Variants in TCP11 observed in about 807,000 individuals in gnomAD.
TCP11 encodes the protein t-complex 11.
A neutral mutation model predicts 45.0 loss-of-function variants in TCP11; 34 were observed. That is an observed-to-expected ratio of 0.76 (90% CI 0.57 to 1.01). The LOEUF (loss-of-function observed/expected upper bound fraction) is 1.01. Ranked by LOEUF, TCP11 falls within the 50% of genes least tolerant of loss-of-function variation. The pLI is 0.00. For missense variants in TCP11, 523 were observed against 598.1 expected (o/e 0.87, Z 1.31); for synonymous variants, 227 against 227.0 (o/e 1.00, Z 0.00).
intron 2 of TCP11, among the ~76,000 whole-genome samples, chr6:35,139,060 T>A (rs1019394103): frequency 6.6e-6 from 1 of 152,110 alleles, no homozygotes; most frequent in East Asian, 1.9e-4. Context: ...TGGTGGCACA[T>A]GCTTATAATC....
rs909615555 is a variant in TCP11 at position 35,140,749 on chromosome 6, G to A, written c.122C>T (p.Pro41Leu). Residue 41 changes from proline (P) to leucine (L), a missense_variant and splice_region_variant, in exon 2 of 10, where the codon CCC becomes CTC. This residue lies in a region of TCP11 where 225 missense variants were observed against 210.2 expected (regional missense o/e 1.07). Coordinates refer to ENST00000311875, the MANE Select transcript of TCP11 (RefSeq NM_001370687.1). ...EDKSGSEDPP[P>L]FLSVTGLTET... ...AGGGACTGCCGAGCTGGACCTACAG[G>A]GAGGGGGGTCCTCGGAGCCGCTCTT... 1 of 1,527,356 alleles carries A rather than the reference G, an allele frequency of 6.5e-7. No individual in the cohort carries two copies. Among genetic ancestry groups the A allele is most frequent in the Non-Finnish European group, 8.8e-7 (1 of 1,141,888 alleles). The allele number at this position is 1,527,356 out of a possible 1,614,324, so 94.6% of individuals were successfully genotyped here.
chr6:35,135,103 C>T lies in TCP11; in HGVS notation c.236+1004G>A, dbSNP rs544952883. Among the ~76,000 whole-genome samples, 466 of 150,286 alleles carry T rather than the reference C, an allele frequency of 3.1e-3. 1 individual carries two copies. Among genetic ancestry groups the T allele is most frequent in the African/African-American group, 8.0e-3 (325 of 40,798 alleles). On this transcript the variant is annotated intron_variant, in intron 3 of 9. Coordinates refer to ENST00000311875, the MANE Select transcript of TCP11 (RefSeq NM_001370687.1). The stretch of plus-strand genomic sequence containing the variant: ...CAGAGGTTGCAGTGAGCCGAGATCG[C>T]GCCATTGCACTCCAGCCTGGGCAAC...
rs1778817788 is a variant in TCP11, at chr6:35,118,079, A to C, written c.*190T>G. On this transcript the variant is annotated 3_prime_UTR_variant, in exon 10 of 10. Coordinates refer to ENST00000311875, the MANE Select transcript of TCP11 (RefSeq NM_001370687.1). ...ACAGGAAAAATGGAGGATTTCTTGCACTTAAGAAGTTTATTAATGAATGGG... is the reference window on the plus strand; with the variant it reads ...ACAGGAAAAATGGAGGATTTCTTGCCCTTAAGAAGTTTATTAATGAATGGG... The C allele has an allele frequency of 3.4e-6, 2 of 596,062 alleles. No homozygotes were observed. Among genetic ancestry groups the C allele is most frequent in the Non-Finnish European group, 6.0e-6 (2 of 335,100 alleles). 36.9% of individuals were successfully genotyped at this position (596,062 alleles called of 1,614,324 possible). A position where few individuals can be genotyped will look rare whatever the true frequency, so the allele number is the denominator to read the frequency against.
In TCP11 at chr6:35,120,759, C is replaced by A; in HGVS notation, c.716-113G>T. On this transcript the variant is annotated intron_variant, in intron 6 of 9. Coordinates refer to ENST00000311875, the MANE Select transcript of TCP11 (RefSeq NM_001370687.1). This position sits in a 1 kb window ranked among gnomAD's most constrained non-coding sequence, Gnocchi z 4.9. The stretch of plus-strand genomic sequence containing the variant: ...GTCAATAAATAAATGCTTTGAGGGT[C>A]TTTCTGTCTTAGATAAATGTTCCTT... 1.4e-6 allele frequency: 2 copies of A among 1,403,064 alleles called. No homozygotes were observed. Among genetic ancestry groups the A allele is most frequent in the Non-Finnish European group, 1.9e-6 (2 of 1,028,760 alleles). The allele number at this position is 1,403,064 out of a possible 1,614,324, so 86.9% of individuals were successfully genotyped here.
chr6:35,128,613 C>A (rs1260941428), intron 4 of TCP11: 2 of 153,510 alleles, frequency 1.3e-5, no homozygotes, highest in African/African-American at 4.8e-5. Flanking sequence ...AGCTTTTATT[C>A]CCGGTTCTGG....
rs779990185 is a variant in TCP11, at chr6:35,136,070, A to C, written c.236+37T>G. The stretch of plus-strand genomic sequence containing the variant: ...GCCATCAGTGCTAAGTACCTAAGCC[A>C]GGATGAGCAACATGAAGAAAGAAGA... On this transcript the variant is annotated intron_variant, in intron 3 of 9. Coordinates refer to ENST00000311875, the MANE Select transcript of TCP11 (RefSeq NM_001370687.1). 2.1e-5 allele frequency: 32 copies of C among 1,553,490 alleles called. No homozygotes were observed. In the South Asian group the frequency reaches 2.5e-4, roughly 12 times the overall value.
At position 35,120,415 on chromosome 6, in the gene TCP11, CCA is replaced by C. The variant is rs1359210488; in HGVS notation, c.933+12_933+13del. ...CTGAACACAAAACAAGGCAATGCCCCCAGACATTCCTACCTCAGGGAACTCTT... is the reference window on the plus strand; with the variant it reads ...CTGAACACAAAACAAGGCAATGCCCCGACATTCCTACCTCAGGGAACTCTT... On this transcript the variant is annotated intron_variant, in intron 7 of 9. Transcript: ENST00000311875. This position sits in a 1 kb window ranked among gnomAD's most constrained non-coding sequence, Gnocchi z 4.9. 1.3e-6 allele frequency: 2 copies of C among 1,588,734 alleles called. No individual in the cohort carries two copies. The highest frequency in any genetic ancestry group is 1.7e-6 in the Non-Finnish European group (2 of 1,166,958).
intron 5 of TCP11, among the ~76,000 whole-genome samples, chr6:35,121,486 T>C (rs1247844088): frequency 6.6e-6 from 1 of 151,174 alleles, no homozygotes; most frequent in Admixed American, 6.6e-5. Flanking sequence ...TGTCTCCTCA[T>C]AGTGTGTGAA....
chr6:35,126,010 T>C (rs1389788198), intron 4 of TCP11, among the ~76,000 whole-genome samples: 3 of 152,202 alleles, frequency 2.0e-5, no homozygotes, highest in Non-Finnish European at 2.9e-5. Flanking sequence ...AGGGAAATTA[T>C]TGTTTAATGA....
chr6:35,133,168 A>G (rs1003220708), intron 3 of TCP11, among the ~76,000 whole-genome samples: 1 of 152,042 alleles, frequency 6.6e-6, no homozygotes, highest in Non-Finnish European at 1.5e-5. Context: ...CTCATCTGTG[A>G]TACAATATTT....
intron 3 of TCP11, among the ~76,000 whole-genome samples, chr6:35,135,293 G>T (rs559758089): frequency 1.3e-5 from 2 of 152,194 alleles, no homozygotes; most frequent in African/African-American, 2.4e-5. Context: ...GCCATGTTTA[G>T]TATACATATA....
chr6:35,138,494 CAT>C (rs1435313241), intron 2 of TCP11, among the ~76,000 whole-genome samples: 5 of 150,162 alleles, frequency 3.3e-5, no homozygotes, highest in African/African-American at 1.2e-4. Context: ...AAAAACTTCA[CAT>C]GTTCTCACTT....
chr6:35,135,700 C>G (rs1037470162), intron 3 of TCP11, among the ~76,000 whole-genome samples: 5 of 151,474 alleles, frequency 3.3e-5, no homozygotes, highest in Non-Finnish European at 7.4e-5. Context: ...CTACTGCATA[C>G]CTGCCTAGGT....
Position 35,120,230 on chromosome 6 carries a change from C to T in TCP11, c.1044G>A (p.Leu348=), listed in dbSNP as rs1779074428. 1 of 1,614,210 alleles carries T rather than the reference C, an allele frequency of 6.2e-7. No individual in the cohort carries two copies. Among genetic ancestry groups the T allele is most frequent in the Non-Finnish European group, 8.5e-7 (1 of 1,180,036 alleles). ...TATCTACAAATTGGGGTGAGCCAAA[C>T]AAAACACTGCCGGAGAAACTACTGG... The part of the protein sequence containing the change: ...LVASSFSGSV[L]FGSPQFVDKL... The change falls in exon 8 of 10, where the codon TTG becomes TTA. Residue 348 remains leucine, a synonymous_variant. Coordinates refer to ENST00000311875, the MANE Select transcript of TCP11 (RefSeq NM_001370687.1). This position sits in a 1 kb window ranked among gnomAD's most constrained non-coding sequence, Gnocchi z 4.9.
chr6:35,126,650 CTTTTTTTTTTTT>C (rs56010838), intron 4 of TCP11, among the ~76,000 whole-genome samples: 8 of 66,900 alleles, frequency 1.2e-4, no homozygotes, highest in Admixed American at 6.3e-4. Context: ...GAATCAAAGA[CTTTTTTTTTTTT>C]TTTTTTTTTT....
rs758862942 is a variant in TCP11 at position 35,120,939 on chromosome 6, T to C, written c.685A>G (p.Lys229Glu). 6.2e-6 allele frequency: 10 copies of C among 1,613,878 alleles called. No individual in the cohort carries two copies. The South Asian group carries it at 1.1e-4, about 18-fold the overall frequency. ...QEHSIQYERAKFQELLNKQPS... is the reference protein window; with the variant it reads ...QEHSIQYERAEFQELLNKQPS... ...TGCTTATTGAGGAGTTCCTGGAATT[T>C]AGCCCGTTCATACTGAATGGAATGT... is the stretch of plus-strand genomic sequence containing the variant. The change falls in exon 6 of 10, where the codon AAA becomes GAA. Residue 229 changes from lysine to glutamate, a missense_variant. Physicochemically the swap from Lys to Glu is moderately conservative, Grantham distance 56. Coordinates refer to ENST00000311875, the MANE Select transcript of TCP11 (RefSeq NM_001370687.1). This position sits in a 1 kb window ranked among gnomAD's most constrained non-coding sequence, Gnocchi z 4.9.
At chr6:35,135,896 T>C (rs1323530194) in intron 3 of TCP11, among the ~76,000 whole-genome samples, 2 of 152,218 alleles carry the variant, frequency 1.3e-5, no homozygotes, top group African/African-American at 2.4e-5. Context: ...GTTGCTTTGG[T>C]TTATTTGTTG....
At position 35,120,661 on chromosome 6, in the gene TCP11, G is replaced by A; in HGVS notation, c.716-15C>T. Reference sequence around the variant, plus strand: ...ATTAAGGAGACCTATGACAGGTAAGGGAGTGTGTAAGCATCTTTAGCATCT... The same window carrying A: ...ATTAAGGAGACCTATGACAGGTAAGAGAGTGTGTAAGCATCTTTAGCATCT... On this transcript the variant is annotated splice_polypyrimidine_tract_variant and intron_variant, in intron 6 of 9. Coordinates refer to ENST00000311875, the MANE Select transcript of TCP11 (RefSeq NM_001370687.1). The surrounding 1 kb of genome is among the most constrained non-coding windows in gnomAD (Gnocchi z 4.9). The A allele has an allele frequency of 1.2e-6, 2 of 1,609,834 alleles. No individual in the cohort carries two copies. Among genetic ancestry groups the A allele is most frequent in the Non-Finnish European group, 8.5e-7 (1 of 1,177,920 alleles).
In TCP11 at chr6:35,122,239, C is replaced by G; in HGVS notation, c.456G>C (p.Gly152=). Residue 152 remains glycine, a synonymous_variant, in exon 5 of 10, where the codon GGG becomes GGC. Coordinates refer to ENST00000311875, the MANE Select transcript of TCP11 (RefSeq NM_001370687.1). The part of the protein sequence containing the change: ...MDLLKQEAEH[G]ALKVLYLSKY... ...TAGAGAGATAGAGGACTTTCAGGGC[C>G]CCATGTTCTGCCTCCTGCTTGAGCA... The G allele has an allele frequency of 1.2e-6, 2 of 1,614,120 alleles. No homozygotes were observed. Among genetic ancestry groups the G allele is most frequent in the East Asian group, 4.5e-5 (2 of 44,886 alleles).
Sources: gnomAD v4.1 joint callset for allele counts (sites outside exome capture counted in the v4.1 genomes callset) on GRCh38, gnomAD v4.1.1 for gene constraint, gnomAD v4.1.1 regional missense constraint, Gnocchi (gnomAD v3.1) non-coding constraint, MANE v1.5 for transcripts, NCBI Gene and HGNC (gene_info 2026-07-23, HGNC 2026-07-21) for gene names.